DENR: variants seen among roughly 807,000 people sequenced by gnomAD.
The protein encoded by DENR is density-regulated protein.
A neutral mutation model predicts 30.6 loss-of-function variants in DENR; 6 were observed. The observed-to-expected ratio is 0.20, with a 90% CI of 0.11 to 0.39. The LOEUF (loss-of-function observed/expected upper bound fraction) is 0.39, where lower values mean the gene tolerates loss of function less well. Among genes scored for constraint, DENR ranks in the 10% least tolerant of loss-of-function variants. The pLI is 1.00. For missense variants in DENR, 141 were observed against 230.9 expected (o/e 0.61, Z 2.52); for synonymous variants, 78 against 72.1 (o/e 1.08, Z -0.41).
At position 122,769,279 on chromosome 12, in the gene DENR, T is replaced by TATATACATATATGTATAC. The variant is rs1566061615; in HGVS notation, c.*208_*209insTATATGTATACATATACA. On this transcript the variant is annotated 3_prime_UTR_variant, in exon 8 of 8. Coordinates refer to ENST00000280557, the MANE Select transcript of DENR (RefSeq NM_003677.5). ...ATATACATACACATATATGTATACATATATACACATATATGTATACATATA... is the reference window on the plus strand; with the variant it reads ...ATATACATACACATATATGTATACATATATACATATATGTATACATATACACATATATGTATACATATA... The TATATACATATATGTATAC allele has an allele frequency of 1.3e-6, 1 of 776,294 alleles. No individual in the cohort carries two copies. The highest frequency in any genetic ancestry group is 1.6e-6 in the Non-Finnish European group (1 of 643,132). The allele number at this position is 776,294 out of a possible 1,614,324, so 48.1% of individuals were successfully genotyped here.
At chr12:122,762,164 CT>C in intron 2 of DENR, 22 bp from the exon 3 acceptor site, 2 of 1,402,148 alleles carry the variant, frequency 1.4e-6, no homozygotes, top group East Asian at 2.5e-5. Flanking sequence ...CATTTCAAAT[CT>C]TTTTTCTTTT....
At chr12:122,765,191 C>A in intron 4 of DENR, 113 bp from the exon 5 acceptor site, 1 of 747,702 alleles carries the variant, frequency 1.3e-6, no homozygotes, top group Non-Finnish European at 2.2e-6. Flanking sequence ...AAATTTCATG[C>A]TCAGCTGTTG....
At chr12:122,767,682 C>A in intron 6 of DENR, 78 bp downstream of exon 6, 1 of 772,874 alleles carries the variant, frequency 1.3e-6, no homozygotes. Context: ...CTGTCTCTCT[C>A]TCTCTCACAT....
At position 122,769,941 on chromosome 12, in the gene DENR, C is replaced by A. The variant is rs1205449436; in HGVS notation, c.*863C>A. The A allele has an allele frequency of 6.6e-6, 1 of 152,574 alleles. No individual in the cohort carries two copies. The highest frequency in any genetic ancestry group is 2.4e-5 in the African/African-American group (1 of 41,434). The allele number at this position is 152,574 out of a possible 1,614,324, so 9.5% of individuals were successfully genotyped here. A position where few individuals can be genotyped will look rare whatever the true frequency, so the allele number is the denominator to read the frequency against. ...AAAGAATTTGAATTTGGCTTCCTCA[C>A]CAGTAATATGTCTCCTTGCTTCTTT... is the stretch of plus-strand genomic sequence containing the variant. On this transcript the variant is annotated 3_prime_UTR_variant, in exon 8 of 8. Coordinates refer to ENST00000280557, the MANE Select transcript of DENR (RefSeq NM_003677.5).
At position 122,770,311 on chromosome 12, in the gene DENR, G is replaced by C. The variant is rs1490301691; in HGVS notation, c.*1233G>C. 4.1e-6 allele frequency: 1 copy of C among 244,588 alleles called. No individual in the cohort carries two copies. Among genetic ancestry groups the C allele is most frequent in the Non-Finnish European group, 7.7e-6 (1 of 129,992 alleles). 15.2% of individuals were successfully genotyped at this position (244,588 alleles called of 1,614,324 possible). A position where few individuals can be genotyped will look rare whatever the true frequency, so the allele number is the denominator to read the frequency against. On this transcript the variant is annotated 3_prime_UTR_variant, in exon 8 of 8. Transcript: ENST00000280557. Reference sequence around the variant, plus strand: ...ATGGTTAAAGAAGTGATGGTGCATTGTGTGGTAGAATATTATGCATATGTT... The same window carrying C: ...ATGGTTAAAGAAGTGATGGTGCATTCTGTGGTAGAATATTATGCATATGTT...
chr12:122,766,527 G>GT (rs1878854646), intron 5 of DENR, among the ~76,000 whole-genome samples: 1 of 152,152 alleles, frequency 6.6e-6, no homozygotes, highest in Admixed American at 6.5e-5. Flanking sequence ...GATCTGGCCT[G>GT]TGTCTCTAGC....
rs1293978419 is a variant in DENR at position 122,768,995 on chromosome 12, A to C, written c.553-39A>C. On this transcript the variant is annotated intron_variant, in intron 7 of 7. Transcript: ENST00000280557. ...ATTGCTTCCATTTTTTCTTAATTGCAACCACAACTCATGAGATATAATTAT... is the reference window on the plus strand; with the variant it reads ...ATTGCTTCCATTTTTTCTTAATTGCCACCACAACTCATGAGATATAATTAT... The C allele has an allele frequency of 5.6e-6, 9 of 1,608,268 alleles. No individual in the cohort carries two copies. The Admixed American group carries it at 1.5e-4, about 27-fold the overall frequency.
chr12:122,754,295 G>A (rs904225243), intron 2 of DENR: 8 of 167,544 alleles, frequency 4.8e-5, no homozygotes, highest in African/African-American at 1.9e-4. Flanking sequence ...GGTGAGGTTG[G>A]AGTGTTGGGT....
At chr12:122,753,579 C>A (rs1878471320) in intron 1 of DENR, 114 bp from the exon 2 acceptor site, 1 of 751,438 alleles carries the variant, frequency 1.3e-6, no homozygotes, top group South Asian at 1.6e-5. Flanking sequence ...ATCCCCCACT[C>A]AACAACAGAC....
rs1256269499 is a variant in DENR at position 122,770,983 on chromosome 12, C to G, written c.*1905C>G. The stretch of plus-strand genomic sequence containing the variant: ...GTTTCTTTGTGTTCACAGTTCTTAG[C>G]AAATGCAGTTACAATCCATAGATAG... On this transcript the variant is annotated 3_prime_UTR_variant, in exon 8 of 8. Transcript: ENST00000280557. 3 of 366,806 alleles carry G rather than the reference C, an allele frequency of 8.2e-6. No individual in the cohort carries two copies. The highest frequency in any genetic ancestry group is 1.4e-5 in the Non-Finnish European group (3 of 207,066). 22.7% of individuals were successfully genotyped at this position (366,806 alleles called of 1,614,324 possible). A position where few individuals can be genotyped will look rare whatever the true frequency, so the allele number is the denominator to read the frequency against.
rs148927792 is a variant in DENR at position 122,760,700 on chromosome 12, C to T, written c.107-1487C>T. 7.9e-3 allele frequency among the ~76,000 whole-genome samples: 1,209 copies of T among 152,184 alleles called. 12 individuals carry two copies. Among genetic ancestry groups the T allele is most frequent in the African/African-American group, 0.027 (1,137 of 41,520 alleles). ...GAGCCGAGATAGTGCTACTGCAGTC[C>T]GGCCTGGGTGAAAGAGCAAGACTCC... is the stretch of plus-strand genomic sequence containing the variant. On this transcript the variant is annotated intron_variant, in intron 2 of 7. Transcript: ENST00000280557.
intron 2 of DENR, among the ~76,000 whole-genome samples, chr12:122,754,893 A>T (rs1593758646): frequency 1.3e-5 from 2 of 152,208 alleles, no homozygotes; most frequent in South Asian, 2.1e-4. Context: ...AAAGAGGGTT[A>T]ATCAAAGAAA....
At chr12:122,756,885 CTATAAT>C (rs1209034570) in intron 2 of DENR, among the ~76,000 whole-genome samples, 2 of 151,954 alleles carry the variant, frequency 1.3e-5, no homozygotes, top group African/African-American at 4.8e-5. Context: ...ATTGGCCAGG[CTATAAT>C]AAGACTTTAG....
At position 122,769,305 on chromosome 12, in the gene DENR, T is replaced by TGC. The variant is rs1878960848; in HGVS notation, c.*227_*228insGC. Reference sequence around the variant, plus strand: ...ATATACACATATATGTATACATATATACACATATGTATACATATATATATA... The same window carrying TGC: ...ATATACACATATATGTATACATATATGCACACATATGTATACATATATATATA... On this transcript the variant is annotated 3_prime_UTR_variant, in exon 8 of 8. Transcript: ENST00000280557. The TGC allele has an allele frequency of 3.2e-6, 2 of 632,170 alleles. No homozygotes were observed. The highest frequency in any genetic ancestry group is 1.4e-4 in the South Asian group (2 of 14,332). 39.2% of individuals were successfully genotyped at this position (632,170 alleles called of 1,614,324 possible). A position where few individuals can be genotyped will look rare whatever the true frequency, so the allele number is the denominator to read the frequency against.
In DENR at chr12:122,753,688, T is replaced by C. The variant is rs1325985407; in HGVS notation, c.-9-5T>C. On this transcript the variant is annotated splice_polypyrimidine_tract_variant and splice_region_variant and intron_variant, in intron 1 of 7. Coordinates refer to ENST00000280557, the MANE Select transcript of DENR (RefSeq NM_003677.5). ...GTGAGGGTGTGTTATTTTCCTTGCT[T>C]ACAGGTTTGTGAAATGGCTGCTGAC... 6.2e-7 allele frequency: 1 copy of C among 1,611,464 alleles called. No individual in the cohort carries two copies. The highest frequency in any genetic ancestry group is 1.1e-5 in the South Asian group (1 of 90,960).
At chr12:122,756,978 A>T (rs893565215) in intron 2 of DENR, among the ~76,000 whole-genome samples, 2 of 152,216 alleles carry the variant, frequency 1.3e-5, no homozygotes, top group Non-Finnish European at 2.9e-5. Context: ...TAGGATGAAC[A>T]GTATAAAGCA....
chr12:122,763,120 G>A, intron 4 of DENR, 191 bp downstream of exon 4: 1 of 493,662 alleles, frequency 2.0e-6, no homozygotes, highest in Non-Finnish European at 3.6e-6. Context: ...AAAGTAAATG[G>A]GCCGGGCGCA....
intron 2 of DENR, among the ~76,000 whole-genome samples, chr12:122,756,685 C>T (rs1177215644): frequency 1.3e-5 from 2 of 151,978 alleles, no homozygotes; most frequent in South Asian, 2.1e-4. Context: ...GAGGGAGTTT[C>T]GAGTGTTACA....
intron 2 of DENR, among the ~76,000 whole-genome samples, chr12:122,760,662 C>T (rs1878674817): frequency 1.3e-5 from 2 of 152,138 alleles, no homozygotes; most frequent in African/African-American, 2.4e-5. Context: ...ACCCGGGAGG[C>T]GGAGCTTGCA....
Sources: allele counts gnomAD v4.1 joint callset (sites outside exome capture counted in the v4.1 genomes callset), GRCh38; gene constraint gnomAD v4.1.1; transcripts MANE v1.5; gene names NCBI Gene and HGNC (gene_info 2026-07-23, HGNC 2026-07-21).